The following NTN4 variants were observed in gnomAD, a reference collection of about 807,000 sequenced individuals.
NTN4 encodes the protein netrin-4.
In NTN4, 32 loss-of-function variants were observed where a neutral mutation model predicts 73.6. That is an observed-to-expected ratio of 0.44 (90% confidence interval 0.33 to 0.58). NTN4 has a LOEUF of 0.58. Among genes scored for constraint, NTN4 ranks in the 20% least tolerant of loss-of-function variants. The pLI is 0.04. For missense variants in NTN4, 654 were observed against 798.3 expected, an observed-to-expected ratio of 0.82 and a Z score of 2.18; for synonymous variants, 258 against 287.5, an observed-to-expected ratio of 0.90 and a Z score of 1.04.
At chr12:95,716,535 C>T (rs1220910879) in intron 3 of NTN4, among the ~76,000 whole-genome samples, 1 of 151,954 alleles carries the variant, frequency 6.6e-6, no homozygotes, top group Non-Finnish European at 1.5e-5. Context: ...ATTAAATATA[C>T]TTTCTTTTCT....
chr12:95,671,842 T>C (rs1012042356), intron 7 of NTN4, among the ~76,000 whole-genome samples: 2 of 152,172 alleles, frequency 1.3e-5, no homozygotes, highest in African/African-American at 2.4e-5. Context: ...CAATTAGATA[T>C]ACTTTTTCCC....
chr12:95,672,210 G>A (rs929767589), intron 7 of NTN4: 15 of 576,942 alleles, frequency 2.6e-5, no homozygotes, highest in African/African-American at 2.3e-4. Flanking sequence ...GGTTGCGGGG[G>A]GCGGGCGGGG....
At chr12:95,754,128 C>A (rs948489876) in intron 2 of NTN4, among the ~76,000 whole-genome samples, 1 of 152,184 alleles carries the variant, frequency 6.6e-6, no homozygotes, top group Non-Finnish European at 1.5e-5. Context: ...CCTAGGTCCT[C>A]CCAATTCTTA....
At chr12:95,784,266 G>A (rs767180593) in intron 2 of NTN4, among the ~76,000 whole-genome samples, 1 of 152,168 alleles carries the variant, frequency 6.6e-6, no homozygotes, top group African/African-American at 2.4e-5. Flanking sequence ...ACAGGGGAGA[G>A]GAAGGCAATA....
intron 7 of NTN4, chr12:95,672,945 T>G: frequency 8.9e-7 from 1 of 1,120,496 alleles, no homozygotes; most frequent in African/African-American, 1.5e-5. Flanking sequence ...TGACTGGTAT[T>G]CCCATTGTCT....
chr12:95,760,076 G>A (rs771429904), intron 2 of NTN4, among the ~76,000 whole-genome samples: 2 of 152,134 alleles, frequency 1.3e-5, no homozygotes, highest in African/African-American at 4.8e-5. Flanking sequence ...TCCAAAAAGG[G>A]TTAGACTTTG....
chr12:95,708,582 T>C (rs1434098965), intron 5 of NTN4, among the ~76,000 whole-genome samples: 1 of 152,094 alleles, frequency 6.6e-6, no homozygotes, highest in African/African-American at 2.4e-5. Flanking sequence ...TTAAATATAA[T>C]ATTAAAAATA....
At chr12:95,750,226 G>A (rs2078896098) in intron 2 of NTN4, among the ~76,000 whole-genome samples, 2 of 114,784 alleles carry the variant, frequency 1.7e-5, no homozygotes, top group African/African-American at 7.0e-5. Context: ...TCCGTGCCCC[G>A]ACCTCTTATC....
At chr12:95,717,690 A>G (rs2078617299) in intron 3 of NTN4, among the ~76,000 whole-genome samples, 2 of 152,092 alleles carry the variant, frequency 1.3e-5, no homozygotes, top group Admixed American at 6.5e-5. Context: ...AGAAAAAGGA[A>G]ACTTTAGTAA....
At chr12:95,770,633 A>G (rs568712089) in intron 2 of NTN4, among the ~76,000 whole-genome samples, 49 of 152,336 alleles carry the variant, frequency 3.2e-4, no homozygotes, top group African/African-American at 1.1e-3. Flanking sequence ...ATAAAAAGTA[A>G]CAGAAGTTCT....
chr12:95,681,354 C>T (rs145955192), intron 7 of NTN4, among the ~76,000 whole-genome samples: 1 of 151,968 alleles, frequency 6.6e-6, no homozygotes, highest in Non-Finnish European at 1.5e-5. Context: ...GCTGGTACAT[C>T]GGGGACTTCA....
At chr12:95,747,641 T>G (rs748872347) in intron 2 of NTN4, among the ~76,000 whole-genome samples, 34 of 152,162 alleles carry the variant, frequency 2.2e-4, no homozygotes, top group Non-Finnish European at 4.1e-4. Context: ...TGCTATGTTT[T>G]GATGCATCCT....
At chr12:95,709,734 T>C (rs1312778111) in intron 5 of NTN4, among the ~76,000 whole-genome samples, 1 of 152,124 alleles carries the variant, frequency 6.6e-6, no homozygotes, top group African/African-American at 2.4e-5. Context: ...GGTTTTGCCA[T>C]GTTGCCCAGG....
chr12:95,672,672 C>T, intron 7 of NTN4: 1 of 1,476,452 alleles, frequency 6.8e-7, no homozygotes, highest in Admixed American at 1.7e-5. Context: ...GATGTCCCAC[C>T]ACCCTGCTGG....
At position 95,673,073 on chromosome 12, in the gene NTN4, C is replaced by T. The variant is rs529899141; in HGVS notation, c.1511-2927G>A. 74 of 1,457,050 alleles carry T rather than the reference C, an allele frequency of 5.1e-5. No homozygotes were observed. In the East Asian group the frequency reaches 1.4e-3, roughly 28 times the overall value. The allele number at this position is 1,457,050 out of a possible 1,614,324, so 90.3% of individuals were successfully genotyped here. Reference sequence around the variant, plus strand: ...CAGGGCAAGGCCAAGAAGTGAAGGCCGGCGGGCGGACTACTGTCCCCAGGA... The same window carrying T: ...CAGGGCAAGGCCAAGAAGTGAAGGCTGGCGGGCGGACTACTGTCCCCAGGA... On this transcript the variant is annotated intron_variant, in intron 7 of 9. Coordinates refer to ENST00000343702, the MANE Select transcript of NTN4 (RefSeq NM_021229.4).
chr12:95,760,228 G>C (rs2078977155), intron 2 of NTN4, among the ~76,000 whole-genome samples: 1 of 152,120 alleles, frequency 6.6e-6, no homozygotes, highest in African/African-American at 2.4e-5. Flanking sequence ...GGCTCTACCA[G>C]ATGCCTGTGA....
At chr12:95,775,961 A>C (rs1332498523) in intron 2 of NTN4, among the ~76,000 whole-genome samples, 1 of 152,164 alleles carries the variant, frequency 6.6e-6, no homozygotes, top group East Asian at 1.9e-4. Flanking sequence ...TCTGAGACAA[A>C]ACTTCCAGAG....
intron 2 of NTN4, among the ~76,000 whole-genome samples, chr12:95,786,483 T>C (rs1211853682): frequency 6.6e-6 from 1 of 152,248 alleles, no homozygotes; most frequent in African/African-American, 2.4e-5. Context: ...GCTACTGTCA[T>C]ACAAAAGTAT....
intron 2 of NTN4, among the ~76,000 whole-genome samples, chr12:95,739,195 T>C (rs1186849740): frequency 3.3e-5 from 5 of 152,214 alleles, no homozygotes; most frequent in African/African-American, 4.8e-5. Flanking sequence ...GTTCTTGGCA[T>C]TTGTGTAATA....
Sources: allele counts gnomAD v4.1 joint callset (sites outside exome capture counted in the v4.1 genomes callset), GRCh38; gene constraint gnomAD v4.1.1; transcripts MANE v1.5; gene names NCBI Gene and HGNC (gene_info 2026-07-23, HGNC 2026-07-21).